The following NCK2 variants were observed in gnomAD, a reference collection of about 807,000 sequenced individuals.
NCK2 encodes the protein cytoplasmic protein NCK2.
Under a neutral mutation model 33.9 loss-of-function variants are expected in NCK2, and 16 were observed. The observed-to-expected ratio is 0.47, with a 90% CI of 0.32 to 0.72. The LOEUF is 0.72. Ranked by LOEUF, NCK2 falls within the 30% of genes least tolerant of loss-of-function variation. The pLI, the probability that NCK2 is intolerant of heterozygous loss-of-function variation, is 0.03. For missense variants in NCK2, 418 were observed against 537.3 expected (o/e 0.78, Z 2.19); for synonymous variants, 273 against 239.9 (o/e 1.14, Z -1.27).
chr2:105,807,012 A>G (rs1675072248), intron 1 of NCK2, among the ~76,000 whole-genome samples: 1 of 152,150 alleles, frequency 6.6e-6, no homozygotes, highest in Non-Finnish European at 1.5e-5. Flanking sequence ...CCACACCCTC[A>G]TGCTGAAGAG....
At position 105,767,753 on chromosome 2, in the gene NCK2, C is replaced by G. The variant is rs141457072; in HGVS notation, c.-201+22615C>G. Among the ~76,000 whole-genome samples, 156 of 152,250 alleles carry G rather than the reference C, an allele frequency of 1.0e-3. 4 individuals are homozygous for G. The East Asian group carries it at 0.027, about 27-fold the overall frequency. On this transcript the variant is annotated intron_variant, in intron 1 of 4. Transcript: ENST00000233154. ...TCCCTGCTTTGTCCCTTTATTGGCG[C>G]GAGGTTTGAGGTTTCCGTGCCCGCA...
intron 1 of NCK2, among the ~76,000 whole-genome samples, chr2:105,771,211 C>T (rs1251717919): frequency 2.0e-5 from 3 of 151,966 alleles, no homozygotes; most frequent in South Asian, 4.2e-4. Flanking sequence ...CGTGAGCCAC[C>T]GCGCCCCGCC....
chr2:105,772,837 C>T (rs1690177192), intron 1 of NCK2, among the ~76,000 whole-genome samples: 1 of 151,784 alleles, frequency 6.6e-6, no homozygotes, highest in African/African-American at 2.4e-5. Context: ...TCTAGGTCTC[C>T]TGGTCCTTCC....
chr2:105,888,570 T>G (rs1678819445), intron 4 of NCK2, among the ~76,000 whole-genome samples: 1 of 152,216 alleles, frequency 6.6e-6, no homozygotes, highest in Non-Finnish European at 1.5e-5. Flanking sequence ...TATGATGGCT[T>G]AAAAAGATGT....
At chr2:105,811,162 C>CA (rs11358569) in intron 1 of NCK2, among the ~76,000 whole-genome samples, 31,621 of 140,038 alleles carry the variant, frequency 0.23, 5,472 homozygotes, top group African/African-American at 0.48. Context: ...TGACAGAGTG[C>CA]AAAAAAAAAA....
intron 1 of NCK2, among the ~76,000 whole-genome samples, chr2:105,761,048 G>A (rs909358347): frequency 6.6e-6 from 1 of 152,168 alleles, no homozygotes; most frequent in Non-Finnish European, 1.5e-5. Flanking sequence ...CTGGGCTCAG[G>A]AAGTGGTCCC....
At position 105,894,034 on chromosome 2, in the gene NCK2, AT is replaced by A. The variant is rs1679112809; in HGVS notation, c.*860del. On this transcript the variant is annotated 3_prime_UTR_variant, in exon 5 of 5. Transcript: ENST00000233154. Reference sequence around the variant, plus strand: ...ACACACACACACTATATATATATATATTATTTACAGGGAAATTTTTCAGGGT... The same window carrying A: ...ACACACACACACTATATATATATATATATTTACAGGGAAATTTTTCAGGGT... 6.6e-6 allele frequency: 1 copy of A among 151,822 alleles called. No homozygotes were observed. The highest frequency in any genetic ancestry group is 1.5e-5 in the Non-Finnish European group (1 of 67,814). 9.4% of individuals were successfully genotyped at this position (151,822 alleles called of 1,614,324 possible). A position where few individuals can be genotyped will look rare whatever the true frequency, so the allele number is the denominator to read the frequency against.
chr2:105,752,600 C>A (rs541926888), intron 1 of NCK2, among the ~76,000 whole-genome samples: 1 of 152,036 alleles, frequency 6.6e-6, no homozygotes, highest in African/African-American at 2.4e-5. Flanking sequence ...ACATAAATTG[C>A]CTAAGGGTGA....
At position 105,782,694 on chromosome 2, in the gene NCK2, G is replaced by A. The variant is rs536487980; in HGVS notation, c.-200-33736G>A. ...GATCGTTTCTGAGAGTGGGGGATCC[G>A]GCCCGTTGAAATCATTTGGCAAAAT... is the stretch of plus-strand genomic sequence containing the variant. On this transcript the variant is annotated intron_variant, in intron 1 of 4. Transcript: ENST00000233154. 3.3e-5 allele frequency among the ~76,000 whole-genome samples: 5 copies of A among 152,222 alleles called. No individual in the cohort carries two copies. In the South Asian group the frequency reaches 8.3e-4, roughly 25 times the overall value.
chr2:105,785,989 G>A (rs1048961751), intron 1 of NCK2, among the ~76,000 whole-genome samples: 7 of 152,054 alleles, frequency 4.6e-5, no homozygotes, highest in East Asian at 1.9e-4. Flanking sequence ...TTGTGTTTTC[G>A]TAAACGTGTG....
At chr2:105,821,531 C>T (rs888647273) in intron 2 of NCK2, among the ~76,000 whole-genome samples, 1 of 152,114 alleles carries the variant, frequency 6.6e-6, no homozygotes, top group Admixed American at 6.5e-5. Context: ...TTTAATGCTG[C>T]GGATAAATCT....
At chr2:105,881,118 T>G (rs1423632418) in intron 3 of NCK2, among the ~76,000 whole-genome samples, 1 of 152,160 alleles carries the variant, frequency 6.6e-6, no homozygotes, top group Non-Finnish European at 1.5e-5. Flanking sequence ...ATAGATCAAT[T>G]TAATTCTCAA....
intron 1 of NCK2, among the ~76,000 whole-genome samples, chr2:105,784,348 G>T (rs1329046452): frequency 1.3e-5 from 2 of 152,186 alleles, no homozygotes; most frequent in African/African-American, 4.8e-5. Flanking sequence ...CCTGCTGATC[G>T]GACTCCTTGT....
intron 1 of NCK2, among the ~76,000 whole-genome samples, chr2:105,758,920 A>G (rs2104348533): frequency 6.6e-6 from 1 of 152,360 alleles, no homozygotes; most frequent in East Asian, 1.9e-4. Flanking sequence ...CAAAACTAGT[A>G]AAATCATTAT....
intron 1 of NCK2, among the ~76,000 whole-genome samples, chr2:105,769,975 A>G (rs1690075775): frequency 6.6e-6 from 1 of 152,166 alleles, no homozygotes; most frequent in Non-Finnish European, 1.5e-5. Context: ...TGTGCTGGCT[A>G]CTTTACCCTT....
At chr2:105,772,117 A>G (rs1690154362) in intron 1 of NCK2, among the ~76,000 whole-genome samples, 1 of 150,488 alleles carries the variant, frequency 6.6e-6, no homozygotes, top group Non-Finnish European at 1.5e-5. Flanking sequence ...CGGAGGGGGT[A>G]GCGTTTGCAG....
At chr2:105,782,888 A>AG (rs907991187) in intron 1 of NCK2, among the ~76,000 whole-genome samples, 2 of 152,226 alleles carry the variant, frequency 1.3e-5, no homozygotes, top group African/African-American at 4.8e-5. Flanking sequence ...GGAGAGGCGT[A>AG]GGGGGCAGTT....
chr2:105,820,259 C>T (rs1675674664), intron 2 of NCK2, among the ~76,000 whole-genome samples: 2 of 152,170 alleles, frequency 1.3e-5, no homozygotes, highest in South Asian at 2.1e-4. Context: ...GCCATTTGGT[C>T]GGTGGTCCTT....
intron 1 of NCK2, among the ~76,000 whole-genome samples, chr2:105,772,408 G>A (rs187547497): frequency 1.2e-4 from 19 of 152,196 alleles, no homozygotes; most frequent in Admixed American, 7.9e-4. Flanking sequence ...CTTTGTTCCC[G>A]GGGAATGTGG....
Sources: gnomAD v4.1 joint callset for allele counts (sites outside exome capture counted in the v4.1 genomes callset) on GRCh38, gnomAD v4.1.1 for gene constraint, MANE v1.5 for transcripts, NCBI Gene and HGNC (gene_info 2026-07-23, HGNC 2026-07-21) for gene names.